Variants in MAP4K2 observed in about 807,000 individuals in gnomAD.
MAP4K2 encodes the protein B lymphocyte serine/threonine protein kinase.
Under a neutral mutation model 125.3 loss-of-function variants are expected in MAP4K2, and 85 were observed. That is an observed-to-expected ratio of 0.68 (90% CI 0.57 to 0.81). The LOEUF is 0.81. Ranked by LOEUF, MAP4K2 falls within the 40% of genes least tolerant of loss-of-function variation. The probability of loss-of-function intolerance (pLI) is 0.00; values close to 1 mark genes in which losing one functional copy is unlikely to be tolerated. For missense variants in MAP4K2, 923 were observed against 1,056.4 expected (o/e 0.87, Z 1.75); for synonymous variants, 479 against 445.1 (o/e 1.08, Z -0.96).
At position 64,784,961 on chromosome 11, in the gene MAP4K2, CATG is replaced by C. The variant is rs1940172080; in HGVS notation, c.*4573_*4575del. 6.6e-6 allele frequency: 1 copy of C among 152,174 alleles called. No individual in the cohort carries two copies. 9.4% of individuals were successfully genotyped at this position (152,174 alleles called of 1,614,324 possible). On this transcript the variant is annotated 3_prime_UTR_variant, in exon 32 of 32. Coordinates refer to ENST00000294066, the MANE Select transcript of MAP4K2 (RefSeq NM_004579.5). ...TTATTTGTAATAGTTCACAACGGAACATGGTCCAAATGTCCATCAACAGGTGAA... is the reference window on the plus strand; with the variant it reads ...TTATTTGTAATAGTTCACAACGGAACGTCCAAATGTCCATCAACAGGTGAA...
At chr11:64,790,890 CTG>C (rs1020920507) in intron 27 of MAP4K2, among the ~76,000 whole-genome samples, 3 of 152,220 alleles carry the variant, frequency 2.0e-5, no homozygotes, top group Non-Finnish European at 4.4e-5. Flanking sequence ...AATCCCAGCA[CTG>C]TGGGAGGCCG....
rs541889893 is a variant in MAP4K2 at position 64,801,986 on chromosome 11, C to T, written c.366+80G>A. On this transcript the variant is annotated intron_variant, in intron 5 of 31. Coordinates refer to ENST00000294066, the MANE Select transcript of MAP4K2 (RefSeq NM_004579.5). ...CCAGCCCCACCCGAGGCACTCCACC[C>T]GCCTCCCTGCTGGTCATCTGGGCTC... 4,162 of 1,448,740 alleles carry T rather than the reference C, an allele frequency of 2.9e-3. 16 individuals carry two copies. The highest frequency in any genetic ancestry group is 2.9e-3 in the Non-Finnish European group (3,101 of 1,062,840). 89.7% of individuals were successfully genotyped at this position (1,448,740 alleles called of 1,614,324 possible). A position where few individuals can be genotyped will look rare whatever the true frequency, so the allele number is the denominator to read the frequency against.
At position 64,796,280 on chromosome 11, in the gene MAP4K2, T is replaced by C; in HGVS notation, c.1744A>G (p.Ile582Val). The change falls in exon 24 of 32, where the codon ATC becomes GTC. Residue 582 changes from isoleucine to valine, a missense_variant. Coordinates refer to ENST00000294066, the MANE Select transcript of MAP4K2 (RefSeq NM_004579.5). Reference protein sequence around the residue: ...IPTNRLTQRIIPRRFALSTKI... With the variant: ...IPTNRLTQRIVPRRFALSTKI... ...ACGCCCAAGATCCCTGACCTGGGGA[T>C]GATGCGCTGGGTGAGGCGGTTGGTG... 2 of 1,528,872 alleles carry C rather than the reference T, an allele frequency of 1.3e-6. No homozygotes were observed. Among genetic ancestry groups the C allele is most frequent in the Non-Finnish European group, 1.8e-6 (2 of 1,139,108 alleles). 94.7% of individuals were successfully genotyped at this position (1,528,872 alleles called of 1,614,324 possible).
intron 15 of MAP4K2, 104 bp downstream of exon 15, chr11:64,798,690 C>T: frequency 1.6e-6 from 2 of 1,262,238 alleles, no homozygotes; most frequent in African/African-American, 1.5e-5. Flanking sequence ...CCACCTCAGC[C>T]TCCTAAAGTG....
In MAP4K2 at chr11:64,789,462, G is replaced by A; in HGVS notation, c.*75C>T. The A allele has an allele frequency of 1.5e-6, 2 of 1,313,278 alleles. No individual in the cohort carries two copies. Among genetic ancestry groups the A allele is most frequent in the Non-Finnish European group, 2.1e-6 (2 of 932,434 alleles). The allele number at this position is 1,313,278 out of a possible 1,614,324, so 81.4% of individuals were successfully genotyped here. ...GGCCTGGGCTCCTCTGGTCTAGGAT[G>A]GGCCCCTTTGCCCAAAAGGGCCTGC... On this transcript the variant is annotated 3_prime_UTR_variant, in exon 32 of 32. Transcript: ENST00000294066.
At chr11:64,798,876 G>A (rs1940988931) in intron 14 of MAP4K2, 39 bp from the exon 15 acceptor site, 15 of 1,549,366 alleles carry the variant, frequency 9.7e-6, no homozygotes, top group Non-Finnish European at 1.3e-5. Flanking sequence ...AAGAAGCAGA[G>A]ACAGATGCAA....
chr11:64,789,709 G>T (rs1379923618), intron 31 of MAP4K2, 21 bp downstream of exon 31: 1 of 1,614,054 alleles, frequency 6.2e-7, no homozygotes, highest in Non-Finnish European at 8.5e-7. Flanking sequence ...CTGAAGGGGA[G>T]GCTAGGGTAC....
chr11:64,800,273 T>G, intron 11 of MAP4K2, 38 bp downstream of exon 11: 1 of 1,612,984 alleles, frequency 6.2e-7, no homozygotes, highest in East Asian at 2.2e-5. Context: ...GCCCTGCTTT[T>G]GAGTACTGGG....
rs757996231 is a variant in MAP4K2 at position 64,797,317 on chromosome 11, G to GGAGT, written c.1230_1233dup (p.Pro412ThrfsTer4). On this transcript the variant is annotated frameshift_variant, in exon 18 of 32. Transcript: ENST00000294066. LOFTEE classifies it high-confidence loss of function. Reference sequence around the variant, plus strand: ...GGCTCCTCTGCTGGAGGGTCAGTGGGGAGTGGCCCTAGGAACGGGGCCCGC... The same window carrying GGAGT: ...GGCTCCTCTGCTGGAGGGTCAGTGGGGAGTGAGTGGCCCTAGGAACGGGGCCCGC... The GGAGT allele has an allele frequency of 6.2e-7, 1 of 1,602,584 alleles. No individual in the cohort carries two copies. The highest frequency in any genetic ancestry group is 1.7e-5 in the Admixed American group (1 of 58,088).
chr11:64,798,754 GCCCCTGCCAC>G (rs1940981185), intron 15 of MAP4K2, 30 bp downstream of exon 15: 2 of 1,610,736 alleles, frequency 1.2e-6, no homozygotes, highest in Non-Finnish European at 1.7e-6. Context: ...CCTTTCTGCC[GCCCCTGCCAC>G]CCCCTGCAGC....
chr11:64,790,814 G>A (rs1814277986), intron 27 of MAP4K2, among the ~76,000 whole-genome samples: 1 of 152,194 alleles, frequency 6.6e-6, no homozygotes, highest in South Asian at 2.1e-4. Context: ...AGATGGCACT[G>A]CCTTGAGAGG....
Position 64,796,381 on chromosome 11 carries a change from G to T in MAP4K2, c.1643C>A (p.Thr548Lys), listed in dbSNP as rs373545894. Reference sequence around the variant, plus strand: ...TGGGAGGTCATGGGCCCAGATGTGCGTGGATTTCCCTGCAGAAACAGGAAG... The same window carrying T: ...TGGGAGGTCATGGGCCCAGATGTGCTTGGATTTCCCTGCAGAAACAGGAAG... ...NVLLSLSGKS[T>K]HIWAHDLPGL... The change falls in exon 24 of 32, where the codon ACG becomes AAG. Residue 548 changes from threonine (T) to lysine (K), a missense_variant. By Grantham distance (78) the Thr-to-Lys change is moderately conservative (BLOSUM62 -1). Transcript: ENST00000294066. The T allele has an allele frequency of 6.2e-7, 1 of 1,607,092 alleles. No homozygotes were observed. Among genetic ancestry groups the T allele is most frequent in the African/African-American group, 1.3e-5 (1 of 74,942 alleles).
chr11:64,785,543 A>G lies in MAP4K2; in HGVS notation c.*3994T>C, dbSNP rs1592564022. 6.9e-6 allele frequency: 1 copy of G among 145,006 alleles called. No homozygotes were observed. Among genetic ancestry groups the G allele is most frequent in the Non-Finnish European group, 1.5e-5 (1 of 65,458 alleles). 9.0% of individuals were successfully genotyped at this position (145,006 alleles called of 1,614,324 possible). A position where few individuals can be genotyped will look rare whatever the true frequency, so the allele number is the denominator to read the frequency against. On this transcript the variant is annotated 3_prime_UTR_variant, in exon 32 of 32. Transcript: ENST00000294066. ...TGGTCTTGTCTTTCAAGCGAGTTCT[A>G]TTTTTTCGGTGATTACTTTTAAATA... is the stretch of plus-strand genomic sequence containing the variant.
Position 64,796,883 on chromosome 11 carries a change from C to T in MAP4K2, c.1418G>A (p.Cys473Tyr). 3 of 1,613,952 alleles carry T rather than the reference C, an allele frequency of 1.9e-6. No individual in the cohort carries two copies. The highest frequency in any genetic ancestry group is 2.5e-6 in the Non-Finnish European group (3 of 1,180,032). The change falls in exon 21 of 32, where the codon TGC (cysteine) becomes TAC (tyrosine). Residue 473 changes from cysteine (C) to tyrosine (Y), a missense_variant. Transcript: ENST00000294066. ...GCAGCCATTGAAGACCTTGGAGAAG[C>T]AGGCGCCCATCTGCAGAGGAGGCAA... ...PPTPKVHMGACFSKVFNGCPL... is the reference protein window; with the variant it reads ...PPTPKVHMGAYFSKVFNGCPL...
intron 12 of MAP4K2, 50 bp from the exon 13 acceptor site, chr11:64,799,733 CG>C: frequency 6.7e-7 from 1 of 1,503,422 alleles, no homozygotes; most frequent in Non-Finnish European, 9.2e-7. Flanking sequence ...CGCCTCATGC[CG>C]GGGCTGCTCT....
At chr11:64,801,371 G>C (rs1252488338) in intron 7 of MAP4K2, among the ~76,000 whole-genome samples, 188 bp from the exon 8 acceptor site, 2 of 152,158 alleles carry the variant, frequency 1.3e-5, no homozygotes, top group East Asian at 3.9e-4. Flanking sequence ...CTCTATCCCT[G>C]ACGGAGTGCC....
rs1205056479 is a variant in MAP4K2 at position 64,792,079 on chromosome 11, G to C, written c.1922C>G (p.Ser641Cys). 2 of 1,586,940 alleles carry C rather than the reference G, an allele frequency of 1.3e-6. No homozygotes were observed. The highest frequency in any genetic ancestry group is 1.1e-5 in the South Asian group (1 of 87,472). The change falls in exon 27 of 32, where the codon TCC (serine) becomes TGC (cysteine). Residue 641 changes from serine to cysteine, a missense_variant. Physicochemically the swap from Ser to Cys is moderately radical, Grantham distance 112. Transcript: ENST00000294066. ...CCCAGCTGGGCTGGGCAGAGGGCTGGAGAAGTTCTAGGGGGCAGCAGGGAT... is the reference window on the plus strand; with the variant it reads ...CCCAGCTGGGCTGGGCAGAGGGCTGCAGAAGTTCTAGGGGGCAGCAGGGAT... ...LQKFLLLKNF[S>C]SPLPSPAGML...
intron 24 of MAP4K2, among the ~76,000 whole-genome samples, chr11:64,795,081 ATT>A (rs141351266): frequency 0.04 from 4,905 of 121,582 alleles, 232 homozygotes; most frequent in East Asian, 0.29. Flanking sequence ...TAAGTTTTCG[ATT>A]TTTTTTTTTT....
At position 64,788,391 on chromosome 11, in the gene MAP4K2, G is replaced by T. The variant is rs569594070; in HGVS notation, c.*1146C>A. 1 of 152,180 alleles carries T rather than the reference G, an allele frequency of 6.6e-6. No homozygotes were observed. 9.4% of individuals were successfully genotyped at this position (152,180 alleles called of 1,614,324 possible). Reference sequence around the variant, plus strand: ...AGCTGCCCAAAGGCTCCAGTCAAGAGCGGCTGATCAGTGCCTGGGGCAAAA... The same window carrying T: ...AGCTGCCCAAAGGCTCCAGTCAAGATCGGCTGATCAGTGCCTGGGGCAAAA... On this transcript the variant is annotated 3_prime_UTR_variant, in exon 32 of 32. Coordinates refer to ENST00000294066, the MANE Select transcript of MAP4K2 (RefSeq NM_004579.5).
Sources: allele counts gnomAD v4.1 joint callset (sites outside exome capture counted in the v4.1 genomes callset), GRCh38; gene constraint gnomAD v4.1.1; transcripts MANE v1.5; gene names NCBI Gene and HGNC (gene_info 2026-07-23, HGNC 2026-07-21).